NAV2: variants seen among roughly 807,000 people sequenced by gnomAD.
NAV2 encodes the protein helicase, APC down-regulated 1.
A neutral mutation model predicts 223.2 loss-of-function variants in NAV2; 54 were observed. That is an observed-to-expected ratio of 0.24 (90% CI 0.19 to 0.30). The LOEUF is 0.30. NAV2 is among the 10% of genes least tolerant of loss of function. NAV2 has a pLI of 1.00. For missense variants in NAV2, 2,806 were observed against 3,147.5 expected, an observed-to-expected ratio of 0.89 and a Z score of 2.60; for synonymous variants, 1,279 against 1,239.3, an observed-to-expected ratio of 1.03 and a Z score of -0.67.
In NAV2 at chr11:19,713,030, C is replaced by A. The variant is rs560480175; in HGVS notation, c.-666C>A. Among the ~76,000 whole-genome samples the A allele has an allele frequency of 8.5e-5, 13 of 152,288 alleles. No homozygotes were observed. The highest frequency in any genetic ancestry group is 8.5e-4 in the Admixed American group (13 of 15,304). Reference sequence around the variant, plus strand: ...CGCTAAGGTGCTCTCAGTCCGGGGGCCTTCTGGGCAGCGGTGACTGTCACC... The same window carrying A: ...CGCTAAGGTGCTCTCAGTCCGGGGGACTTCTGGGCAGCGGTGACTGTCACC... On this transcript the variant is annotated 5_prime_UTR_variant, in exon 1 of 38. Coordinates refer to ENST00000349880, the MANE Select transcript of NAV2 (RefSeq NM_145117.5). The surrounding 1 kb of genome is among the most constrained non-coding windows in gnomAD (Gnocchi z 7.2).
rs376664544 is a variant in NAV2, at chr11:19,939,766, A to T, written c.2139A>T (p.Glu713Asp). 1.9e-6 allele frequency: 3 copies of T among 1,613,430 alleles called. No homozygotes were observed. Among genetic ancestry groups the T allele is most frequent in the African/African-American group, 1.3e-5 (1 of 75,004 alleles). The stretch of plus-strand genomic sequence containing the variant: ...AGACTGGACAGCCTGCTCTGGAAGA[A>T]CTCACTGGTGAGTATGGAGCCTCAG... The part of the protein sequence containing the change: ...FTKTGQPALE[E>D]LTGEDPEARR... Residue 713 changes from glutamate to aspartate, a missense_variant, in exon 8 of 38, where the codon GAA (glutamate) becomes GAT (aspartate). By Grantham distance (45) the Glu-to-Asp change is conservative. This residue lies in a region of NAV2 where 1,167 missense variants were observed against 1,180.5 expected (regional missense o/e 0.99). Transcript: ENST00000349880.
intron 1 of NAV2, among the ~76,000 whole-genome samples, chr11:19,430,257 C>T (rs1407237104): frequency 6.6e-6 from 1 of 152,186 alleles, no homozygotes; most frequent in Middle Eastern, 3.2e-3. Context: ...CATCCAATCA[C>T]CTTTGCTGGG....
chr11:19,741,390 C>A (rs1179599886), intron 1 of NAV2, among the ~76,000 whole-genome samples: 1 of 151,858 alleles, frequency 6.6e-6, no homozygotes, highest in Non-Finnish European at 1.5e-5. Flanking sequence ...TCAACTTTGT[C>A]CCCTTTGTTC....
chr11:19,847,518 G>T (rs2152962281), intron 3 of NAV2, among the ~76,000 whole-genome samples: 1 of 152,252 alleles, frequency 6.6e-6, no homozygotes, highest in East Asian at 1.9e-4. Flanking sequence ...CTGAGCTTGG[G>T]GACCAGCCAG....
At chr11:19,627,780 G>A (rs1043706088) in intron 1 of NAV2, among the ~76,000 whole-genome samples, 1 of 151,958 alleles carries the variant, frequency 6.6e-6, no homozygotes, top group Non-Finnish European at 1.5e-5. Flanking sequence ...AGATGGGAGG[G>A]TTGGGCCCCG....
chr11:19,991,550 A>G (rs1260219437), intron 11 of NAV2, among the ~76,000 whole-genome samples: 7 of 152,200 alleles, frequency 4.6e-5, no homozygotes, highest in Admixed American at 4.6e-4. Context: ...TTTTATTTCT[A>G]TAACAGCTTA....
In NAV2 at chr11:19,800,672, G is replaced by GGGGT. The variant is rs1555063720; in HGVS notation, c.268-31811_268-31810insGGTG. 3.4e-5 allele frequency among the ~76,000 whole-genome samples: 5 copies of GGGGT among 145,956 alleles called. No individual in the cohort carries two copies. In the South Asian group the frequency reaches 1.1e-3, roughly 33 times the overall value. Reference sequence around the variant, plus strand: ...AAAAAGAGAGAAAAAAAGGAGAATGGGTGTGTGTGTGTGTGTGTGTGTGTG... The same window carrying GGGGT: ...AAAAAGAGAGAAAAAAAGGAGAATGGGGGTGTGTGTGTGTGTGTGTGTGTGTGTG... On this transcript the variant is annotated intron_variant, in intron 1 of 37. Transcript: ENST00000349880.
chr11:19,661,801 C>T (rs752511192), intron 1 of NAV2, among the ~76,000 whole-genome samples: 22 of 152,110 alleles, frequency 1.4e-4, no homozygotes, highest in African/African-American at 2.7e-4. Context: ...TCAATTCAAA[C>T]GAGAATCTAT....
intron 1 of NAV2, among the ~76,000 whole-genome samples, chr11:19,635,684 A>G (rs2047477307): frequency 6.6e-6 from 1 of 152,228 alleles, no homozygotes; most frequent in South Asian, 2.1e-4. Flanking sequence ...CCCTCTGGTA[A>G]CTAACCCAGT....
intron 3 of NAV2, among the ~76,000 whole-genome samples, chr11:19,860,129 G>T (rs1179173982): frequency 7.6e-6 from 1 of 131,722 alleles, no homozygotes; most frequent in Non-Finnish European, 1.6e-5. Context: ...GGGCAGAGGC[G>T]CCCCTCACCT....
At chr11:19,920,161 T>C (rs984840860) in intron 6 of NAV2, among the ~76,000 whole-genome samples, 5 of 152,148 alleles carry the variant, frequency 3.3e-5, no homozygotes, top group African/African-American at 4.8e-5. Flanking sequence ...TGGACTTTAT[T>C]GTTCAAATTC....
intron 6 of NAV2, among the ~76,000 whole-genome samples, chr11:19,912,369 C>T (rs2043385901): frequency 6.6e-6 from 1 of 152,192 alleles, no homozygotes; most frequent in African/African-American, 2.4e-5. Flanking sequence ...TTACATTCCA[C>T]TTAAACACAT....
rs1017555654 is a variant in NAV2, at chr11:19,668,526, C to G, written c.76-163958C>G. The stretch of plus-strand genomic sequence containing the variant: ...CTAGCCTGGGCAACAGAATGAGACT[C>G]GGTCTCAAAAAAAAAAAAAAAAAAA... On this transcript the variant is annotated intron_variant, in intron 1 of 37. Transcript: ENST00000360655. Among the ~76,000 whole-genome samples the G allele has an allele frequency of 1.3e-4, 10 of 78,622 alleles. No individual in the cohort carries two copies. In the East Asian group the frequency reaches 4.8e-3, roughly 37 times the overall value. The allele number at this position is 78,622 out of a possible 152,430, so 51.6% of individuals were successfully genotyped here.
At chr11:19,959,008 C>T (rs2153400126) in intron 10 of NAV2, among the ~76,000 whole-genome samples, 1 of 152,254 alleles carries the variant, frequency 6.6e-6, no homozygotes, top group Admixed American at 6.5e-5. Context: ...ATGTGGGGGC[C>T]AGTTACACAG....
chr11:19,911,960 A>G (rs1292576308), intron 6 of NAV2, among the ~76,000 whole-genome samples: 3 of 152,196 alleles, frequency 2.0e-5, no homozygotes, highest in Non-Finnish European at 4.4e-5. Context: ...GCAGCCCTCA[A>G]CCTTTGAGAG....
At chr11:19,846,170 C>T (rs1206151738) in intron 3 of NAV2, among the ~76,000 whole-genome samples, 4 of 152,174 alleles carry the variant, frequency 2.6e-5, no homozygotes, top group African/African-American at 9.7e-5. Flanking sequence ...TGGAGACAGC[C>T]AGGCATGGAA....
chr11:19,574,499 G>A (rs762104390), intron 1 of NAV2, among the ~76,000 whole-genome samples: 9 of 152,096 alleles, frequency 5.9e-5, no homozygotes, highest in Non-Finnish European at 7.4e-5. Context: ...TAGGTTTTCC[G>A]TGGGCTCATG....
At chr11:19,724,286 A>T (rs981868517) in intron 1 of NAV2, among the ~76,000 whole-genome samples, 1 of 152,212 alleles carries the variant, frequency 6.6e-6, no homozygotes, top group African/African-American at 2.4e-5. Context: ...GAAAGGCCTG[A>T]TAGCTTAAAG....
At position 20,006,020 on chromosome 11, in the gene NAV2, C is replaced by T. The variant is rs147811884; in HGVS notation, c.2768+21773C>T. Among the ~76,000 whole-genome samples the T allele has an allele frequency of 7.8e-3, 1,185 of 152,122 alleles. 20 individuals carry two copies. Among genetic ancestry groups the T allele is most frequent in the African/African-American group, 0.027 (1,124 of 41,500 alleles). On this transcript the variant is annotated intron_variant, in intron 11 of 37. Transcript: ENST00000349880. Reference sequence around the variant, plus strand: ...AATCCCAGCATTTGAGAGGCCGAGGCGGGTGGATCACCTGAGGTCAGGAGT... The same window carrying T: ...AATCCCAGCATTTGAGAGGCCGAGGTGGGTGGATCACCTGAGGTCAGGAGT...
Sources: gnomAD v4.1 joint callset for allele counts (sites outside exome capture counted in the v4.1 genomes callset) on GRCh38, gnomAD v4.1.1 for gene constraint, gnomAD v4.1.1 regional missense constraint, Gnocchi (gnomAD v3.1) non-coding constraint, MANE v1.5 for transcripts, NCBI Gene and HGNC (gene_info 2026-07-23, HGNC 2026-07-21) for gene names.